Variants in IRF2 observed in about 807,000 individuals in gnomAD.
The protein encoded by IRF2 is interferon regulatory factor 2.
In IRF2, 15 loss-of-function variants were observed where a neutral mutation model predicts 40.6. The observed-to-expected ratio is 0.37, with a 90% CI of 0.25 to 0.57. IRF2 has a LOEUF of 0.57. Among genes scored for constraint, IRF2 ranks in the 20% least tolerant of loss-of-function variants. The pLI is 0.77. For synonymous variants in IRF2, 151 were observed against 165.5 expected (o/e 0.91, Z 0.67); for missense variants, 317 against 455.7 (o/e 0.70, Z 2.77).
At chr4:184,473,628 C>T (rs1579126542) in intron 1 of IRF2, among the ~76,000 whole-genome samples, 2 of 148,060 alleles carry the variant, frequency 1.4e-5, no homozygotes, top group South Asian at 2.1e-4. Flanking sequence ...AGGCCCGGCG[C>T]CCGGCCCGGC....
chr4:184,444,456 T>C (rs1387684341), intron 1 of IRF2, among the ~76,000 whole-genome samples: 1 of 152,204 alleles, frequency 6.6e-6, no homozygotes, highest in Non-Finnish European at 1.5e-5. Flanking sequence ...AACTTCCGCA[T>C]GGTTTGCGGT....
intron 7 of IRF2, among the ~76,000 whole-genome samples, chr4:184,392,266 A>G (rs1400043799): frequency 6.6e-6 from 1 of 152,182 alleles, no homozygotes; most frequent in East Asian, 1.9e-4. Flanking sequence ...TCTCTTCCTG[A>G]TGGCAACCTT....
intron 6 of IRF2, among the ~76,000 whole-genome samples, chr4:184,401,087 A>G (rs1736648657): frequency 6.6e-6 from 1 of 152,262 alleles, no homozygotes; most frequent in Non-Finnish European, 1.5e-5. Context: ...AGCTTGGAGT[A>G]TATGTGGTGC....
At chr4:184,425,526 G>A (rs1026386857) in intron 2 of IRF2, among the ~76,000 whole-genome samples, 4 of 152,254 alleles carry the variant, frequency 2.6e-5, no homozygotes, top group African/African-American at 7.2e-5. Flanking sequence ...GTTCCAGGGC[G>A]GTGCTGAGAG....
In IRF2 at chr4:184,408,817, T is replaced by C. The variant is rs1479357728; in HGVS notation, c.412-542A>G. ...GCCTCTGGCCACCTGAGGCCCTGCATTGGATGGCTGGCTGATCACCCTGGC... is the reference window on the plus strand; with the variant it reads ...GCCTCTGGCCACCTGAGGCCCTGCACTGGATGGCTGGCTGATCACCCTGGC... On this transcript the variant is annotated intron_variant, in intron 5 of 8. Coordinates refer to ENST00000393593, the MANE Select transcript of IRF2 (RefSeq NM_002199.4). This position sits in a 1 kb window ranked among gnomAD's most constrained non-coding sequence, Gnocchi z 4.9. Among the ~76,000 whole-genome samples the C allele has an allele frequency of 6.6e-6, 1 of 152,216 alleles. No homozygotes were observed. The highest frequency in any genetic ancestry group is 2.4e-5 in the African/African-American group (1 of 41,456).
chr4:184,412,005 T>A (rs1431590988), intron 5 of IRF2, among the ~76,000 whole-genome samples: 7 of 95,256 alleles, frequency 7.3e-5, no homozygotes, highest in African/African-American at 2.2e-4. Context: ...CTCCAAAGAT[T>A]AAAAAAAAAA....
intron 7 of IRF2, among the ~76,000 whole-genome samples, chr4:184,395,381 C>G (rs1166510236): frequency 4.0e-5 from 5 of 125,292 alleles, no homozygotes; most frequent in Admixed American, 1.0e-4. Flanking sequence ...CCACTGCACT[C>G]CAGCCTGGGC....
At chr4:184,426,449 T>A (rs1321737208) in intron 2 of IRF2, among the ~76,000 whole-genome samples, 1 of 152,150 alleles carries the variant, frequency 6.6e-6, no homozygotes, top group Non-Finnish European at 1.5e-5. Flanking sequence ...TGCCTTCTCC[T>A]CTTCTGTCTC....
intron 1 of IRF2, among the ~76,000 whole-genome samples, chr4:184,450,990 A>T (rs1324287601): frequency 6.6e-6 from 1 of 152,218 alleles, no homozygotes; most frequent in Non-Finnish European, 1.5e-5. Flanking sequence ...ACCCAGAAGC[A>T]CAAATGCAAA....
intron 1 of IRF2, among the ~76,000 whole-genome samples, chr4:184,463,526 G>T (rs1263417907): frequency 6.6e-6 from 1 of 152,090 alleles, no homozygotes; most frequent in Non-Finnish European, 1.5e-5. Context: ...GATAAAATTA[G>T]TTAAATGAGA....
chr4:184,431,078 C>T (rs957817636), intron 1 of IRF2, among the ~76,000 whole-genome samples: 10 of 152,238 alleles, frequency 6.6e-5, no homozygotes, highest in Non-Finnish European at 1.3e-4. Flanking sequence ...CCCAGGCCAG[C>T]TCTGAAGACG....
At chr4:184,452,873 A>T (rs1738778383) in intron 1 of IRF2, among the ~76,000 whole-genome samples, 1 of 151,778 alleles carries the variant, frequency 6.6e-6, no homozygotes, top group Non-Finnish European at 1.5e-5. Context: ...AGTGTTTTGC[A>T]TCTTACATGC....
intron 1 of IRF2, among the ~76,000 whole-genome samples, chr4:184,454,172 C>G (rs1218151356): frequency 6.6e-6 from 1 of 152,216 alleles, no homozygotes; most frequent in Admixed American, 6.5e-5. Context: ...CATCCACAGG[C>G]TGGCCCTCAG....
chr4:184,464,294 A>G (rs572309030), intron 1 of IRF2, among the ~76,000 whole-genome samples: 1 of 152,142 alleles, frequency 6.6e-6, no homozygotes, highest in Admixed American at 6.5e-5. Flanking sequence ...GAGACTGTTC[A>G]GGACATGAAG....
In IRF2 at chr4:184,390,759, G is replaced by C. The variant is rs770609630; in HGVS notation, c.695-10C>G. 8.7e-6 allele frequency: 14 copies of C among 1,614,072 alleles called. No homozygotes were observed. In the East Asian group the frequency reaches 1.1e-4, roughly 13 times the overall value. Reference sequence around the variant, plus strand: ...TCAGTCGTTTCGCTTTCTGTTCACAGAGAGAAAAACACAGGGCCATCATTC... The same window carrying C: ...TCAGTCGTTTCGCTTTCTGTTCACACAGAGAAAAACACAGGGCCATCATTC... On this transcript the variant is annotated splice_polypyrimidine_tract_variant and intron_variant, in intron 7 of 8. Transcript: ENST00000393593.
chr4:184,404,849 G>A (rs1736793579), intron 6 of IRF2, among the ~76,000 whole-genome samples: 1 of 152,206 alleles, frequency 6.6e-6, no homozygotes, highest in Non-Finnish European at 1.5e-5. Flanking sequence ...GAGTGCAGGA[G>A]GAGGCAAGAG....
chr4:184,456,453 G>A (rs1298944395), intron 1 of IRF2, among the ~76,000 whole-genome samples: 1 of 152,232 alleles, frequency 6.6e-6, no homozygotes, highest in Non-Finnish European at 1.5e-5. Flanking sequence ...CGAAGAAGCT[G>A]CGCCACGGGG....
At chr4:184,389,700 T>A (rs767029378) in intron 8 of IRF2, among the ~76,000 whole-genome samples, 2 of 152,196 alleles carry the variant, frequency 1.3e-5, no homozygotes, top group Non-Finnish European at 2.9e-5. Context: ...GGTTTCTGGT[T>A]CCCTTGTGCT....
intron 5 of IRF2, among the ~76,000 whole-genome samples, chr4:184,415,217 TAATG>T (rs2149898829): frequency 6.6e-6 from 1 of 152,366 alleles, no homozygotes; most frequent in South Asian, 2.1e-4. Flanking sequence ...TGTTTAGGCC[TAATG>T]AATCACCTGC....
Sources: gnomAD v4.1 joint callset for allele counts (sites outside exome capture counted in the v4.1 genomes callset) on GRCh38, gnomAD v4.1.1 for gene constraint, Gnocchi (gnomAD v3.1) non-coding constraint, MANE v1.5 for transcripts, NCBI Gene and HGNC (gene_info 2026-07-23, HGNC 2026-07-21) for gene names.